The following SGCZ variants were observed in gnomAD, a reference collection of about 807,000 sequenced individuals.
SGCZ encodes the protein sarcoglycan zeta, also known as zeta-sarcoglycan.
SGCZ carries 40 observed loss-of-function variants against 41.3 expected under a neutral mutation model. The observed-to-expected ratio is 0.97, with a 90% CI of 0.75 to 1.26. The LOEUF is 1.26. Among genes scored for constraint, SGCZ ranks in the 50% most tolerant of loss-of-function variants. SGCZ has a pLI of 0.00. For missense variants in SGCZ, 552 were observed against 369.8 expected (o/e 1.49, Z -4.04); for synonymous variants, 206 against 137.5 (o/e 1.50, Z -3.49).
At chr8:14,122,215 T>G (rs558690718) in intron 5 of SGCZ, among the ~76,000 whole-genome samples, 11 of 152,234 alleles carry the variant, frequency 7.2e-5, no homozygotes, top group Admixed American at 2.0e-4. Context: ...AGGTGGAGCT[T>G]GCAGTTAGCT....
intron 2 of SGCZ, among the ~76,000 whole-genome samples, chr8:14,457,156 A>G (rs1164839740): frequency 6.6e-6 from 1 of 152,220 alleles, no homozygotes; most frequent in Admixed American, 6.5e-5. Context: ...AGTTTGTAGC[A>G]ATTACTTTTT....
chr8:14,946,266 T>C (rs1192460824), intron 1 of SGCZ, among the ~76,000 whole-genome samples: 1 of 150,824 alleles, frequency 6.6e-6, no homozygotes, highest in Non-Finnish European at 1.5e-5. Flanking sequence ...GAGCGTAGAC[T>C]CTAAGATGGA....
chr8:14,289,423 G>A (rs959636307), intron 3 of SGCZ, among the ~76,000 whole-genome samples: 9 of 151,890 alleles, frequency 5.9e-5, no homozygotes, highest in African/African-American at 2.2e-4. Context: ...TTAGGTCTTA[G>A]ATCCTTTATG....
intron 1 of SGCZ, among the ~76,000 whole-genome samples, chr8:14,840,802 G>A (rs969032259): frequency 4.0e-5 from 6 of 151,784 alleles, no homozygotes; most frequent in African/African-American, 1.5e-4. Flanking sequence ...TTAACTTTAT[G>A]AGACTTTTTA....
At chr8:14,684,693 T>TG (rs1491177235) in intron 1 of SGCZ, among the ~76,000 whole-genome samples, 97,092 of 151,414 alleles carry the variant, frequency 0.64, 33,756 homozygotes, top group Non-Finnish European at 0.77. Context: ...TTGTTTTTCC[T>TG]TTTTTTGTTT....
chr8:14,665,106 C>T (rs7832622), intron 1 of SGCZ, among the ~76,000 whole-genome samples: 53,508 of 152,034 alleles, frequency 0.35, 12,274 homozygotes, highest in African/African-American at 0.66. Context: ...TGGTGTGCTG[C>T]ACCCATTAAC....
intron 4 of SGCZ, among the ~76,000 whole-genome samples, chr8:14,222,588 C>T (rs2117125272): frequency 6.6e-6 from 1 of 152,108 alleles, no homozygotes; most frequent in Admixed American, 6.6e-5. Flanking sequence ...GGATATTCTC[C>T]CACGAAGATC....
At chr8:15,169,277 G>T (rs1418019649) in intron 1 of SGCZ, among the ~76,000 whole-genome samples, 1 of 152,182 alleles carries the variant, frequency 6.6e-6, no homozygotes, top group Non-Finnish European at 1.5e-5. Context: ...GACAGCCAGG[G>T]AGGAGGGTGT....
chr8:14,593,403 G>C (rs377624708), intron 1 of SGCZ, among the ~76,000 whole-genome samples: 1 of 152,140 alleles, frequency 6.6e-6, no homozygotes, highest in African/African-American at 2.4e-5. Flanking sequence ...CTGGCGTCTT[G>C]ATTTTAGATG....
At chr8:14,574,272 G>C (rs1366425071) in intron 1 of SGCZ, among the ~76,000 whole-genome samples, 2 of 151,982 alleles carry the variant, frequency 1.3e-5, no homozygotes, top group Non-Finnish European at 2.9e-5. Context: ...TGCTGACTTT[G>C]TCCTACCCTC....
intron 3 of SGCZ, among the ~76,000 whole-genome samples, chr8:14,276,371 A>G (rs1464603408): frequency 1.3e-5 from 2 of 152,138 alleles, no homozygotes; most frequent in African/African-American, 2.4e-5. Context: ...ATGGTGACTG[A>G]AACAGAGCAG....
At chr8:14,873,342 A>AT (rs895309834) in intron 1 of SGCZ, among the ~76,000 whole-genome samples, 7 of 151,994 alleles carry the variant, frequency 4.6e-5, no homozygotes, top group South Asian at 4.2e-4. Flanking sequence ...GTAATATCAT[A>AT]TTTTTTTTAT....
intron 1 of SGCZ, among the ~76,000 whole-genome samples, chr8:14,736,147 G>C (rs1799022647): frequency 6.6e-6 from 1 of 151,938 alleles, no homozygotes; most frequent in South Asian, 2.1e-4. Context: ...CTCCCTGCTT[G>C]AACCTACTTC....
chr8:14,499,251 T>C (rs1451636839), intron 2 of SGCZ, among the ~76,000 whole-genome samples: 1 of 152,198 alleles, frequency 6.6e-6, no homozygotes, highest in East Asian at 1.9e-4. Flanking sequence ...TATTTGTGAA[T>C]TGGGTAAATT....
At chr8:14,102,209 T>C (rs1003316095) in intron 7 of SGCZ, among the ~76,000 whole-genome samples, 167 bp downstream of exon 7, 1 of 151,526 alleles carries the variant, frequency 6.6e-6, no homozygotes, top group Non-Finnish European at 1.5e-5. Flanking sequence ...AATATATACT[T>C]CTTGAATATG....
At chr8:14,946,973 C>T (rs903479578) in intron 1 of SGCZ, among the ~76,000 whole-genome samples, 1 of 152,126 alleles carries the variant, frequency 6.6e-6, no homozygotes, top group Non-Finnish European at 1.5e-5. Context: ...TGCACCTGGA[C>T]TGCCTCTTTC....
intron 1 of SGCZ, among the ~76,000 whole-genome samples, chr8:14,618,294 TA>T (rs1806172769): frequency 6.6e-6 from 1 of 152,198 alleles, no homozygotes; most frequent in African/African-American, 2.4e-5. Context: ...ATTTGGGAGA[TA>T]GGGGTTGAAT....
At chr8:14,228,872 T>A (rs1331183903) in intron 4 of SGCZ, among the ~76,000 whole-genome samples, 2 of 152,158 alleles carry the variant, frequency 1.3e-5, no homozygotes, top group South Asian at 2.1e-4. Context: ...TTCATTGACA[T>A]ATAGGCATGA....
chr8:14,224,149 A>G (rs1806294350), intron 4 of SGCZ, among the ~76,000 whole-genome samples: 1 of 152,162 alleles, frequency 6.6e-6, no homozygotes, highest in African/African-American at 2.4e-5. Context: ...CACAAGTTTG[A>G]CTTTTATTTT....
Sources: allele counts gnomAD v4.1 joint callset (sites outside exome capture counted in the v4.1 genomes callset), GRCh38; gene constraint gnomAD v4.1.1; transcripts MANE v1.5; gene names NCBI Gene and HGNC (gene_info 2026-07-23, HGNC 2026-07-21).